The following NBAS variants were observed in gnomAD, a reference collection of about 807,000 sequenced individuals.
The protein encoded by NBAS is NAG/BC035112 fusion.
NBAS carries 219 observed loss-of-function variants against 302.5 expected under a neutral mutation model. The observed-to-expected ratio is 0.72, with a 90% CI of 0.65 to 0.81. The LOEUF is 0.81. Ranked by LOEUF, NBAS falls within the 30% of genes least tolerant of loss-of-function variation. The pLI is 0.00. For missense variants in NBAS, 2,932 were observed against 2,841.6 expected, an observed-to-expected ratio of 1.03 and a Z score of -0.72; for synonymous variants, 1,118 against 1,021.6, an observed-to-expected ratio of 1.09 and a Z score of -1.80.
At chr2:15,334,323 G>A (rs1672481856) in intron 35 of NBAS, among the ~76,000 whole-genome samples, 1 of 151,978 alleles carries the variant, frequency 6.6e-6, no homozygotes, top group Admixed American at 6.6e-5. Flanking sequence ...CCAAGTAGCT[G>A]GGACTACAGG....
chr2:15,497,110 C>T (rs1267631821), intron 11 of NBAS, among the ~76,000 whole-genome samples: 7 of 152,056 alleles, frequency 4.6e-5, no homozygotes, highest in East Asian at 1.9e-4. Flanking sequence ...GCCAACATAA[C>T]TAAAAGAGAA....
intron 12 of NBAS, among the ~76,000 whole-genome samples, chr2:15,482,948 C>T (rs932501793): frequency 1.3e-5 from 2 of 152,124 alleles, no homozygotes; most frequent in African/African-American, 4.8e-5. Flanking sequence ...TACCACATTA[C>T]TGAAAACAGC....
At chr2:14,791,848 G>A in the NBAS span, among the ~76,000 whole-genome samples, 2 of 130,238 alleles carry the variant, frequency 1.5e-5, no homozygotes, top group Non-Finnish European at 3.3e-5. Flanking sequence ...AAATAAAATG[G>A]GCCTGAGTAG....
At chr2:14,855,471 G>A in the NBAS span, among the ~76,000 whole-genome samples, 1 of 152,042 alleles carries the variant, frequency 6.6e-6, no homozygotes, top group Admixed American at 6.6e-5. Context: ...TCTTGGGGGT[G>A]CCTGATTCTA....
chr2:14,847,115 G>A, the NBAS span, among the ~76,000 whole-genome samples: 1 of 152,092 alleles, frequency 6.6e-6, no homozygotes, highest in Non-Finnish European at 1.5e-5. Flanking sequence ...CGGGCATGGT[G>A]GCTCACACCT....
chr2:14,921,656 T>C, the NBAS span, among the ~76,000 whole-genome samples: 3 of 152,170 alleles, frequency 2.0e-5, no homozygotes, highest in African/African-American at 7.2e-5. Flanking sequence ...GAGTCAGGAA[T>C]GACCTGGGCT....
the NBAS span, among the ~76,000 whole-genome samples, chr2:15,058,144 C>T: frequency 6.6e-6 from 1 of 152,196 alleles, no homozygotes; most frequent in Admixed American, 6.5e-5. Context: ...GCCTGCACAC[C>T]TTTGGTATCT....
the NBAS span, among the ~76,000 whole-genome samples, chr2:15,127,050 G>A: frequency 2.0e-5 from 3 of 152,318 alleles, no homozygotes; most frequent in South Asian, 6.2e-4. Flanking sequence ...CCTGGGGGCA[G>A]GGCCAGCCTC....
At chr2:15,132,211 G>C in the NBAS span, among the ~76,000 whole-genome samples, 1 of 152,194 alleles carries the variant, frequency 6.6e-6, no homozygotes, top group Non-Finnish European at 1.5e-5. Flanking sequence ...TAAATAAAAT[G>C]CGGTACATCC....
chr2:15,224,218 A>G (rs1006419260), intron 47 of NBAS, among the ~76,000 whole-genome samples: 4 of 152,218 alleles, frequency 2.6e-5, no homozygotes, highest in Non-Finnish European at 5.9e-5. Context: ...ACAAAAGTAC[A>G]AAAGAATGGA....
At chr2:15,317,196 G>A (rs758120026) in intron 38 of NBAS, among the ~76,000 whole-genome samples, 8 of 152,082 alleles carry the variant, frequency 5.3e-5, no homozygotes, top group Non-Finnish European at 7.4e-5. Context: ...GAAAGGAATC[G>A]CATCAACATC....
At chr2:15,036,614 C>T in the NBAS span, among the ~76,000 whole-genome samples, 2 of 152,310 alleles carry the variant, frequency 1.3e-5, no homozygotes, top group African/African-American at 2.4e-5. Context: ...GCTGTACCCT[C>T]GTTCCAGATA....
chr2:14,848,848 G>C, the NBAS span, among the ~76,000 whole-genome samples: 1,155 of 151,252 alleles, frequency 7.6e-3, 10 homozygotes, highest in African/African-American at 0.027. Flanking sequence ...TATTCCAACA[G>C]ACCTGCAGCT....
chr2:15,199,257 G>A (rs1665767982), intron 48 of NBAS, among the ~76,000 whole-genome samples: 1 of 150,802 alleles, frequency 6.6e-6, no homozygotes, highest in Non-Finnish European at 1.5e-5. Flanking sequence ...AATCACAAAA[G>A]ATGAAGCAAA....
rs1671172286 is a variant in NBAS at position 15,309,263 on chromosome 2, G to C, written c.4583-16C>G. ...TGCAAGAGAACTGAATGCAGAAAAA[G>C]AAACATTATTTTACTGAGGTTGCAT... On this transcript the variant is annotated splice_polypyrimidine_tract_variant and intron_variant, in intron 38 of 51. Transcript: ENST00000281513. The C allele has an allele frequency of 3.1e-6, 5 of 1,600,312 alleles. No individual in the cohort carries two copies. In the East Asian group the frequency reaches 9.0e-5, roughly 29 times the overall value.
the NBAS span, among the ~76,000 whole-genome samples, chr2:14,961,152 A>C: frequency 6.6e-6 from 1 of 152,190 alleles, no homozygotes; most frequent in African/African-American, 2.4e-5. Flanking sequence ...ATGAAGGAGA[A>C]CTGAAGAGGA....
At chr2:15,539,582 C>A (rs1663698769) in intron 6 of NBAS, among the ~76,000 whole-genome samples, 1 of 152,224 alleles carries the variant, frequency 6.6e-6, no homozygotes, top group East Asian at 1.9e-4. Flanking sequence ...ATTTTAGAAG[C>A]AAAGTCTACT....
At chr2:15,047,441 A>T in the NBAS span, among the ~76,000 whole-genome samples, 1 of 151,156 alleles carries the variant, frequency 6.6e-6, no homozygotes, top group Non-Finnish European at 1.5e-5. Context: ...GGCTGGGCTT[A>T]TGCAAGTAAA....
chr2:15,300,213 C>T lies in NBAS; in HGVS notation c.4798-7447G>A, dbSNP rs114453227. On this transcript the variant is annotated intron_variant, in intron 40 of 51. Coordinates refer to ENST00000281513, the MANE Select transcript of NBAS (RefSeq NM_015909.4). ...TAATCTACCTAAGTTAGCATTCCTG[C>T]AGCGCATATCCAGGAGGTGGAAAGA... Among the ~76,000 whole-genome samples, 554 of 152,286 alleles carry T rather than the reference C, an allele frequency of 3.6e-3. 2 individuals carry two copies. Among genetic ancestry groups the T allele is most frequent in the Non-Finnish European group, 6.4e-3 (434 of 68,024 alleles).
Sources: gnomAD v4.1 joint callset for allele counts (sites outside exome capture counted in the v4.1 genomes callset) on GRCh38, gnomAD v4.1.1 for gene constraint, MANE v1.5 for transcripts, NCBI Gene and HGNC (gene_info 2026-07-23, HGNC 2026-07-21) for gene names.